Variants in SMG7 observed in about 807,000 individuals in gnomAD.
The protein encoded by SMG7 is nonsense-mediated mRNA decay factor SMG7.
A neutral mutation model predicts 148.2 loss-of-function variants in SMG7; 34 were observed. The observed-to-expected ratio is 0.23, with a 90% CI of 0.17 to 0.31. SMG7 has a LOEUF of 0.31. Among genes scored for constraint, SMG7 ranks in the 10% least tolerant of loss-of-function variants. The pLI is 1.00. For synonymous variants in SMG7, 492 were observed against 515.1 expected, an observed-to-expected ratio of 0.96 and a Z score of 0.61; for missense variants, 1,114 against 1,408.4, an observed-to-expected ratio of 0.79 and a Z score of 3.35.
At chr1:183,543,976 G>A (rs761859137) in intron 14 of SMG7, among the ~76,000 whole-genome samples, 19 of 152,258 alleles carry the variant, frequency 1.2e-4, no homozygotes, top group African/African-American at 3.8e-4. Flanking sequence ...CATGTATGTC[G>A]TTTAATGAAT....
chr1:183,548,991 A>G, intron 18 of SMG7: 2 of 562,216 alleles, frequency 3.6e-6, no homozygotes, highest in Non-Finnish European at 6.3e-6. Context: ...ATCTCTGACT[A>G]GGTTTGATCT....
At chr1:183,531,072 T>TATAC (rs1666768118) in intron 8 of SMG7, among the ~76,000 whole-genome samples, 2 of 152,162 alleles carry the variant, frequency 1.3e-5, no homozygotes, top group African/African-American at 4.8e-5. Flanking sequence ...ACATAAAACA[T>TATAC]AGTATGAGGC....
chr1:183,507,333 C>T (rs1304552253), intron 1 of SMG7, among the ~76,000 whole-genome samples: 2 of 152,058 alleles, frequency 1.3e-5, no homozygotes, highest in East Asian at 3.8e-4. Flanking sequence ...TCATAAAATG[C>T]TTAAGTATTG....
intron 1 of SMG7, among the ~76,000 whole-genome samples, chr1:183,507,261 T>C (rs1049650543): frequency 1.3e-5 from 2 of 152,220 alleles, no homozygotes; most frequent in Non-Finnish European, 2.9e-5. Flanking sequence ...AATCAAGATA[T>C]TTGTTAAAGA....
intron 1 of SMG7, among the ~76,000 whole-genome samples, chr1:183,506,435 A>G (rs1404126277): frequency 1.3e-5 from 2 of 152,170 alleles, no homozygotes; most frequent in African/African-American, 4.8e-5. Flanking sequence ...TTTTTCTCTG[A>G]TTAATATTGC....
chr1:183,503,346 C>T (rs1229903969), intron 1 of SMG7, among the ~76,000 whole-genome samples: 1 of 151,986 alleles, frequency 6.6e-6, no homozygotes, highest in Non-Finnish European at 1.5e-5. Context: ...TTATAATTGT[C>T]TTGATATATC....
intron 20 of SMG7, among the ~76,000 whole-genome samples, chr1:183,550,550 G>A (rs1002579605): frequency 1.2e-4 from 18 of 152,116 alleles, no homozygotes; most frequent in Admixed American, 2.6e-4. Context: ...TTTTTAAGGC[G>A]AAGAATATGC....
chr1:183,504,305 A>G (rs1020494011), intron 1 of SMG7, among the ~76,000 whole-genome samples: 10 of 151,362 alleles, frequency 6.6e-5, no homozygotes, highest in Admixed American at 3.3e-4. Flanking sequence ...TCTTCTAGCG[A>G]TTTTTCTGTT....
chr1:183,472,677 A>AG (rs1484827976), intron 1 of SMG7, 28 bp downstream of exon 1: 1 of 1,458,856 alleles, frequency 6.9e-7, no homozygotes, highest in Non-Finnish European at 9.1e-7. Flanking sequence ...GCTGGTACGT[A>AG]GGGGGAGCGG....
chr1:183,532,088 C>T (rs998972934), intron 8 of SMG7, among the ~76,000 whole-genome samples: 1 of 152,170 alleles, frequency 6.6e-6, no homozygotes, highest in Non-Finnish European at 1.5e-5. Flanking sequence ...ATGTAAAAGA[C>T]TTCCCTCTTA....
intron 20 of SMG7, chr1:183,550,148 A>G (rs1670732656): frequency 2.2e-6 from 1 of 461,052 alleles, no homozygotes; most frequent in African/African-American, 2.0e-5. Flanking sequence ...AGTAGCCAGC[A>G]GAGATGTAAG....
At chr1:183,496,209 T>A (rs1658448175) in intron 1 of SMG7, among the ~76,000 whole-genome samples, 1 of 152,144 alleles carries the variant, frequency 6.6e-6, no homozygotes, top group Non-Finnish European at 1.5e-5. Context: ...TAATTATTAG[T>A]TATCTTTCCT....
intron 1 of SMG7, among the ~76,000 whole-genome samples, chr1:183,489,583 A>G (rs114028849): frequency 2.7e-3 from 415 of 152,292 alleles, no homozygotes; most frequent in African/African-American, 9.6e-3. Context: ...ATGAATATCT[A>G]TGGTGAGATG....
In SMG7 at chr1:183,537,234, T is replaced by C. The variant is rs1295763659; in HGVS notation, c.1234+19T>C. ...ATTAGTGGTAAGGGCTACCCTAACC[T>C]TGTGTTGTTGATGTGGTTCTCCATC... On this transcript the variant is annotated intron_variant, in intron 11 of 22. Coordinates refer to ENST00000688051, the MANE Select transcript of SMG7 (RefSeq NM_001375584.1). 1.3e-6 allele frequency: 2 copies of C among 1,549,946 alleles called. No homozygotes were observed. Among genetic ancestry groups the C allele is most frequent in the South Asian group, 1.1e-5 (1 of 89,594 alleles).
chr1:183,520,921 T>A (rs539672273), intron 4 of SMG7, among the ~76,000 whole-genome samples: 55 of 152,296 alleles, frequency 3.6e-4, no homozygotes, highest in Admixed American at 6.5e-4. Context: ...GAAATTTTTT[T>A]AAAACTTTTT....
At chr1:183,551,468 G>A (rs1300573312) in intron 22 of SMG7, among the ~76,000 whole-genome samples, 1 of 152,198 alleles carries the variant, frequency 6.6e-6, no homozygotes, top group Non-Finnish European at 1.5e-5. Flanking sequence ...ATTTTGGAAT[G>A]TTTGATTTAA....
intron 1 of SMG7, among the ~76,000 whole-genome samples, chr1:183,496,188 T>G (rs1443769730): frequency 1.3e-5 from 2 of 152,186 alleles, no homozygotes; most frequent in Non-Finnish European, 2.9e-5. Context: ...TGTCATTTAG[T>G]AGATCCCCAA....
At chr1:183,508,511 TA>T (rs1661451094) in intron 1 of SMG7, among the ~76,000 whole-genome samples, 1 of 152,148 alleles carries the variant, frequency 6.6e-6, no homozygotes, top group Non-Finnish European at 1.5e-5. Flanking sequence ...CTTTATAAAG[TA>T]AAATAATGAT....
intron 1 of SMG7, among the ~76,000 whole-genome samples, chr1:183,499,034 C>A (rs1048149801): frequency 1.3e-5 from 2 of 152,186 alleles, no homozygotes; most frequent in African/African-American, 4.8e-5. Flanking sequence ...TAGATTGTAA[C>A]ATGCATTTAA....
Sources: allele counts gnomAD v4.1 joint callset (sites outside exome capture counted in the v4.1 genomes callset), GRCh38; gene constraint gnomAD v4.1.1; transcripts MANE v1.5; gene names NCBI Gene and HGNC (gene_info 2026-07-23, HGNC 2026-07-21).